Variants in DOCK1 observed in about 807,000 individuals in gnomAD.
DOCK1 encodes the protein dedicator of cytokinesis protein 1.
Under a neutral mutation model 262.7 loss-of-function variants are expected in DOCK1, and 138 were observed. The observed-to-expected ratio is 0.53, with a 90% CI of 0.46 to 0.61. The LOEUF (loss-of-function observed/expected upper bound fraction) is 0.61. Ranked by LOEUF, DOCK1 falls within the 20% of genes least tolerant of loss-of-function variation. The pLI is 0.00. For missense variants in DOCK1, 1,908 were observed against 2,370.7 expected (o/e 0.80, Z 4.05); for synonymous variants, 866 against 867.4 (o/e 1.00, Z 0.03).
intron 30 of DOCK1, among the ~76,000 whole-genome samples, chr10:127,342,132 CAGGTAGAAATGAAGATCTATTGTG>C (rs2063460756): frequency 6.6e-6 from 1 of 151,870 alleles, no homozygotes; most frequent in Non-Finnish European, 1.5e-5. Context: ...TTAAAGGGAG[CAGGTAGAAATGAAGATCTATTGTG>C]AGTCCTCGCA....
intron 27 of DOCK1, among the ~76,000 whole-genome samples, chr10:127,150,278 G>T (rs995366470): frequency 6.6e-6 from 1 of 152,146 alleles, no homozygotes; most frequent in Non-Finnish European, 1.5e-5. Flanking sequence ...ACATTTGGGG[G>T]TGACTCACAG....
At chr10:127,346,343 C>G (rs936628627) in intron 31 of DOCK1, among the ~76,000 whole-genome samples, 7 of 152,154 alleles carry the variant, frequency 4.6e-5, no homozygotes, top group African/African-American at 1.4e-4. Flanking sequence ...ACCTGTAATC[C>G]CAGCACTTTG....
intron 27 of DOCK1, among the ~76,000 whole-genome samples, chr10:127,189,289 T>C (rs1006336138): frequency 6.6e-6 from 1 of 152,230 alleles, no homozygotes; most frequent in African/African-American, 2.4e-5. Context: ...TGTGGAATTA[T>C]TTTAAATAAT....
intron 19 of DOCK1, among the ~76,000 whole-genome samples, chr10:127,039,955 G>A (rs780843121): frequency 3.3e-5 from 5 of 152,206 alleles, no homozygotes; most frequent in Admixed American, 1.3e-4. Flanking sequence ...TCATGGCTCC[G>A]TGTGAAGGCC....
In DOCK1 at chr10:127,347,067, G is replaced by C. The variant is rs142216570; in HGVS notation, c.3224+3321G>C. Reference sequence around the variant, plus strand: ...TTGTAGTCTTCATGCCACTTGATAAGCCTTCAGCCCTTCATAGTCCATTTG... The same window carrying C: ...TTGTAGTCTTCATGCCACTTGATAACCCTTCAGCCCTTCATAGTCCATTTG... On this transcript the variant is annotated intron_variant, in intron 31 of 51. Transcript: ENST00000623213. Among the ~76,000 whole-genome samples, 368 of 152,352 alleles carry C rather than the reference G, an allele frequency of 2.4e-3. 3 individuals carry two copies. Among genetic ancestry groups the C allele is most frequent in the Non-Finnish European group, 4.0e-3 (272 of 68,032 alleles).
intron 31 of DOCK1, among the ~76,000 whole-genome samples, chr10:127,354,199 C>T (rs1313891772): frequency 1.3e-5 from 2 of 152,074 alleles, no homozygotes; most frequent in East Asian, 3.9e-4. Flanking sequence ...GGTGTTAAGC[C>T]CTTCCTTACA....
At position 127,262,377 on chromosome 10, in the gene DOCK1, C is replaced by T. The variant is rs566732521; in HGVS notation, c.3044+4948C>T. ...AGCTCAAACAAACCCATATTCCTATCCCAGTTGACACATTCAGCAGAAACA... is the reference window on the plus strand; with the variant it reads ...AGCTCAAACAAACCCATATTCCTATTCCAGTTGACACATTCAGCAGAAACA... On this transcript the variant is annotated intron_variant, in intron 29 of 51. Transcript: ENST00000623213. Among the ~76,000 whole-genome samples, 4 of 152,232 alleles carry T rather than the reference C, an allele frequency of 2.6e-5. No individual in the cohort carries two copies. In the East Asian group the frequency reaches 7.7e-4, roughly 29 times the overall value.
chr10:126,963,277 C>T (rs923756348), intron 1 of DOCK1, among the ~76,000 whole-genome samples: 3 of 152,124 alleles, frequency 2.0e-5, no homozygotes, highest in Admixed American at 6.5e-5. Flanking sequence ...ATCTGTAGAT[C>T]GTTTCGGATC....
intron 4 of DOCK1, among the ~76,000 whole-genome samples, chr10:126,984,555 G>C (rs1338981797): frequency 2.0e-5 from 3 of 151,084 alleles, no homozygotes; most frequent in African/African-American, 7.3e-5. Context: ...TTTCAGTAGA[G>C]ATGGGGTTTC....
chr10:126,993,214 C>A (rs922094458), intron 6 of DOCK1, among the ~76,000 whole-genome samples: 1 of 152,260 alleles, frequency 6.6e-6, no homozygotes, highest in Admixed American at 6.5e-5. Context: ...GCCGTCCTCT[C>A]GTGTGTTCCC....
At chr10:127,091,851 A>G (rs928573) in intron 23 of DOCK1, among the ~76,000 whole-genome samples, 33,198 of 152,058 alleles carry the variant, frequency 0.22, 5,208 homozygotes, top group African/African-American at 0.45. Flanking sequence ...TGCATGCTCT[A>G]TAGACCCCTG....
intron 27 of DOCK1, among the ~76,000 whole-genome samples, chr10:127,195,530 C>A (rs542135435): frequency 9.9e-5 from 15 of 152,158 alleles, no homozygotes; most frequent in African/African-American, 2.2e-4. Context: ...TCATCCCCCC[C>A]CCGAAGTTAA....
chr10:127,361,522 T>C (rs1444945378), intron 32 of DOCK1, among the ~76,000 whole-genome samples: 2 of 152,174 alleles, frequency 1.3e-5, no homozygotes, highest in Non-Finnish European at 2.9e-5. Flanking sequence ...TTGATTTACT[T>C]TGATTGGAGT....
At chr10:127,160,114 T>A (rs2133645257) in intron 27 of DOCK1, among the ~76,000 whole-genome samples, 1 of 149,798 alleles carries the variant, frequency 6.7e-6, no homozygotes, top group Middle Eastern at 3.4e-3. Context: ...AAACATGAAT[T>A]GTTTGGTTAA....
chr10:127,044,902 A>T (rs148961585), intron 21 of DOCK1, among the ~76,000 whole-genome samples: 1,857 of 152,262 alleles, frequency 0.012, 25 homozygotes, highest in African/African-American at 0.033. Context: ...TGAGATAAGA[A>T]TAGTATCCTC....
intron 29 of DOCK1, among the ~76,000 whole-genome samples, chr10:127,288,728 A>G (rs1590287348): frequency 6.6e-6 from 1 of 151,138 alleles, no homozygotes; most frequent in Non-Finnish European, 1.5e-5. Context: ...TGTAATATAC[A>G]GCATAATATA....
intron 23 of DOCK1, among the ~76,000 whole-genome samples, chr10:127,090,984 T>TTG (rs1564795783): frequency 1.4e-5 from 1 of 73,980 alleles, no homozygotes; most frequent in African/African-American, 9.4e-5. Flanking sequence ...GTCTATTTGG[T>TTG]TTTTTTTTTT....
chr10:127,271,559 C>G (rs1238990860), intron 29 of DOCK1, among the ~76,000 whole-genome samples: 1 of 152,142 alleles, frequency 6.6e-6, no homozygotes, highest in Admixed American at 6.5e-5. Context: ...GTTTTTCATG[C>G]AAGACCCTTC....
chr10:127,273,778 A>T (rs565423754), intron 29 of DOCK1, among the ~76,000 whole-genome samples: 86 of 152,002 alleles, frequency 5.7e-4, no homozygotes, highest in African/African-American at 2.0e-3. Context: ...GCTACTTGGG[A>T]GGCTGAGACA....
Sources: gnomAD v4.1 joint callset for allele counts (sites outside exome capture counted in the v4.1 genomes callset) on GRCh38, gnomAD v4.1.1 for gene constraint, MANE v1.5 for transcripts, NCBI Gene and HGNC (gene_info 2026-07-23, HGNC 2026-07-21) for gene names.